CDH18: variants seen among roughly 807,000 people sequenced by gnomAD.
The protein encoded by CDH18 is cadherin-18.
Under a neutral mutation model 67.9 loss-of-function variants are expected in CDH18, and 31 were observed. The ratio of observed to expected loss-of-function variants is 0.46; its 90% CI spans 0.34 to 0.62. CDH18 has a LOEUF of 0.62. CDH18 is among the 20% of genes least tolerant of loss of function. The pLI is 0.01. For missense variants in CDH18, 890 were observed against 975.5 expected, an observed-to-expected ratio of 0.91 and a Z score of 1.17; for synonymous variants, 362 against 347.2, an observed-to-expected ratio of 1.04 and a Z score of -0.48.
chr5:20,132,411 G>T (rs1007312530), intron 2 of CDH18, among the ~76,000 whole-genome samples: 4 of 151,742 alleles, frequency 2.6e-5, no homozygotes, highest in African/African-American at 9.7e-5. Flanking sequence ...TATTAATAGG[G>T]TACATTTTTC....
At chr5:19,813,687 A>G (rs1778983996) in intron 3 of CDH18, among the ~76,000 whole-genome samples, 4 of 152,264 alleles carry the variant, frequency 2.6e-5, no homozygotes, top group East Asian at 1.9e-4. Flanking sequence ...TTTATCATCA[A>G]TTCCACAAAG....
chr5:19,744,960 A>C (rs1769784689), intron 4 of CDH18, among the ~76,000 whole-genome samples: 1 of 152,172 alleles, frequency 6.6e-6, no homozygotes, highest in Non-Finnish European at 1.5e-5. Flanking sequence ...CTAAACTTGT[A>C]AAGTCAGTAT....
chr5:20,281,386 A>C (rs1746260039), intron 1 of CDH18, among the ~76,000 whole-genome samples: 1 of 152,100 alleles, frequency 6.6e-6, no homozygotes, highest in Admixed American at 6.6e-5. Flanking sequence ...ATTTTTGTGT[A>C]AGGTGTAAGG....
intron 2 of CDH18, among the ~76,000 whole-genome samples, chr5:19,996,863 T>C (rs1736061849): frequency 6.6e-6 from 1 of 152,038 alleles, no homozygotes; most frequent in South Asian, 2.1e-4. Context: ...TATGGGTCTC[T>C]GTGAACATAA....
intron 2 of CDH18, among the ~76,000 whole-genome samples, chr5:20,215,253 A>G (rs532801892): frequency 6.6e-6 from 1 of 152,092 alleles, no homozygotes; most frequent in Admixed American, 6.6e-5. Flanking sequence ...CAATACTCGA[A>G]CAATTTGAGC....
chr5:19,482,491 G>C (rs1739624706), intron 12 of CDH18, among the ~76,000 whole-genome samples: 1 of 152,132 alleles, frequency 6.6e-6, no homozygotes, highest in Admixed American at 6.5e-5. Flanking sequence ...AAAATATTTA[G>C]TCAGTATGTT....
intron 10 of CDH18, among the ~76,000 whole-genome samples, chr5:19,505,563 C>T (rs191224699): frequency 9.2e-5 from 14 of 151,658 alleles, no homozygotes; most frequent in Non-Finnish European, 1.2e-4. Flanking sequence ...TTTTCAGCAT[C>T]TATTGATATA....
chr5:19,805,000 C>T (rs1777886947), intron 3 of CDH18, among the ~76,000 whole-genome samples: 1 of 151,632 alleles, frequency 6.6e-6, no homozygotes, highest in Non-Finnish European at 1.5e-5. Flanking sequence ...GCTGAAGTCC[C>T]ATGGCACACA....
intron 1 of CDH18, among the ~76,000 whole-genome samples, chr5:20,360,420 A>T (rs1010292562): frequency 6.6e-6 from 1 of 152,154 alleles, no homozygotes; most frequent in Non-Finnish European, 1.5e-5. Context: ...AACACGTTTG[A>T]TATGTGAGCA....
At chr5:19,489,532 C>T (rs1741031637) in intron 11 of CDH18, among the ~76,000 whole-genome samples, 1 of 152,034 alleles carries the variant, frequency 6.6e-6, no homozygotes, top group African/African-American at 2.4e-5. Flanking sequence ...CAGGTGTGAG[C>T]CACCGCGCCT....
At chr5:20,283,294 AAAC>A (rs1024386637) in intron 1 of CDH18, among the ~76,000 whole-genome samples, 8 of 152,062 alleles carry the variant, frequency 5.3e-5, no homozygotes, top group African/African-American at 1.9e-4. Flanking sequence ...ACAGCAAAGA[AAAC>A]AACAAGTGGA....
At chr5:20,106,513 G>A (rs1247282453) in intron 2 of CDH18, among the ~76,000 whole-genome samples, 1 of 152,126 alleles carries the variant, frequency 6.6e-6, no homozygotes, top group Non-Finnish European at 1.5e-5. Context: ...TCATCTGTTT[G>A]AAGGATTCCA....
intron 1 of CDH18, among the ~76,000 whole-genome samples, chr5:20,417,123 T>C (rs1747378503): frequency 6.6e-6 from 1 of 152,132 alleles, no homozygotes; most frequent in African/African-American, 2.4e-5. Flanking sequence ...AGCCTGAAAA[T>C]AGAAATATGT....
chr5:20,092,224 T>C (rs1745498851), intron 2 of CDH18, among the ~76,000 whole-genome samples: 1 of 152,190 alleles, frequency 6.6e-6, no homozygotes. Flanking sequence ...ACTGTGATTC[T>C]GTATGACTCA....
At chr5:20,074,117 A>G (rs977593289) in intron 2 of CDH18, among the ~76,000 whole-genome samples, 1 of 152,140 alleles carries the variant, frequency 6.6e-6, no homozygotes, top group Non-Finnish European at 1.5e-5. Context: ...ATAACTGGCT[A>G]TAAGTTTATT....
chr5:19,772,022 T>A (rs1773789507), intron 3 of CDH18, among the ~76,000 whole-genome samples: 1 of 152,190 alleles, frequency 6.6e-6, no homozygotes, highest in Non-Finnish European at 1.5e-5. Flanking sequence ...ATGTGCAAAT[T>A]ATTTTCCATT....
chr5:20,187,023 G>A (rs550473546), intron 2 of CDH18, among the ~76,000 whole-genome samples: 1 of 151,984 alleles, frequency 6.6e-6, no homozygotes, highest in East Asian at 1.9e-4. Context: ...GACACGTTAA[G>A]TGAAAGAAGC....
At chr5:19,960,896 C>G (rs1796818953) in intron 2 of CDH18, among the ~76,000 whole-genome samples, 1 of 149,836 alleles carries the variant, frequency 6.7e-6, no homozygotes, top group Non-Finnish European at 1.5e-5. Flanking sequence ...AAATCATAAC[C>G]CAATAACATA....
At chr5:20,081,494 A>G (rs1744470731) in intron 2 of CDH18, among the ~76,000 whole-genome samples, 1 of 152,242 alleles carries the variant, frequency 6.6e-6, no homozygotes, top group Non-Finnish European at 1.5e-5. Flanking sequence ...AGATACATGC[A>G]TAAATACATT....
Sources: allele counts gnomAD v4.1 joint callset (sites outside exome capture counted in the v4.1 genomes callset), GRCh38; gene constraint gnomAD v4.1.1; transcripts MANE v1.5; gene names NCBI Gene and HGNC (gene_info 2026-07-23, HGNC 2026-07-21).